Variants in MAN1A2 observed in about 807,000 individuals in gnomAD.
MAN1A2 encodes mannosidase alpha class 1A member 2, also known as mannosyl-oligosaccharide 1,2-alpha-mannosidase IB.
MAN1A2 carries 26 observed loss-of-function variants against 75.7 expected under a neutral mutation model. That is an observed-to-expected ratio of 0.34 (90% CI 0.25 to 0.48). MAN1A2 has a LOEUF of 0.48. Ranked by LOEUF, MAN1A2 falls within the 20% of genes least tolerant of loss-of-function variation. The probability of loss-of-function intolerance (pLI) is 0.99; values close to 1 mark genes in which losing one functional copy is unlikely to be tolerated. For synonymous variants in MAN1A2, 247 were observed against 264.6 expected (o/e 0.93, Z 0.65); for missense variants, 562 against 775.5 (o/e 0.72, Z 3.27).
chr1:117,519,723 G>A (rs1570809310), intron 12 of MAN1A2, among the ~76,000 whole-genome samples: 3 of 152,100 alleles, frequency 2.0e-5, no homozygotes, highest in Admixed American at 2.0e-4. Flanking sequence ...GGAACAGACG[G>A]ATTCACAGCA....
Position 117,499,389 on chromosome 1 carries a change from G to A in MAN1A2, c.1512G>A (p.Lys504=). ...TCTTTTGTCATGTTACAGCATTAAAGCTAGGTCCTGAATCATTCAAGTTTG... is the reference window on the plus strand; with the variant it reads ...TCTTTTGTCATGTTACAGCATTAAAACTAGGTCCTGAATCATTCAAGTTTG... The part of the protein sequence containing the change: ...CHESYDRTAL[K]LGPESFKFDG... Residue 504 remains lysine, a synonymous_variant, in exon 11 of 13, where the codon AAG becomes AAA. Coordinates refer to ENST00000356554, the MANE Select transcript of MAN1A2 (RefSeq NM_006699.5). 2 of 1,571,692 alleles carry A rather than the reference G, an allele frequency of 1.3e-6. No individual in the cohort carries two copies. Among genetic ancestry groups the A allele is most frequent in the South Asian group, 2.4e-5 (2 of 84,224 alleles).
At chr1:117,384,845 A>G (rs919212227) in intron 1 of MAN1A2, among the ~76,000 whole-genome samples, 2 of 152,182 alleles carry the variant, frequency 1.3e-5, no homozygotes, top group African/African-American at 4.8e-5. Context: ...TATGCTTTCA[A>G]GTTTTGCTTT....
intron 8 of MAN1A2, among the ~76,000 whole-genome samples, chr1:117,469,863 C>A (rs987942442): frequency 6.6e-6 from 1 of 152,098 alleles, no homozygotes; most frequent in African/African-American, 2.4e-5. Flanking sequence ...CCCTTGTACA[C>A]TGCTAGTAGG....
chr1:117,417,725 C>G (rs1186724158), intron 4 of MAN1A2, among the ~76,000 whole-genome samples: 2 of 151,030 alleles, frequency 1.3e-5, no homozygotes, highest in Non-Finnish European at 3.0e-5. Context: ...CTCTCTCTCT[C>G]TCTCTCTCAT....
intron 1 of MAN1A2, among the ~76,000 whole-genome samples, chr1:117,384,561 A>G (rs1653457328): frequency 6.6e-6 from 1 of 152,114 alleles, no homozygotes; most frequent in Non-Finnish European, 1.5e-5. Context: ...CTTGAGAAGA[A>G]TGTCTGTTCT....
intron 4 of MAN1A2, among the ~76,000 whole-genome samples, chr1:117,418,362 T>G (rs1648076526): frequency 6.6e-6 from 1 of 152,028 alleles, no homozygotes; most frequent in Non-Finnish European, 1.5e-5. Flanking sequence ...CTGCTATTAG[T>G]ATTTTACATG....
At chr1:117,451,919 C>T (rs1014908869) in intron 6 of MAN1A2, among the ~76,000 whole-genome samples, 11 of 152,008 alleles carry the variant, frequency 7.2e-5, no homozygotes, top group African/African-American at 2.4e-4. Context: ...GTCCAGGAGG[C>T]GGAGCTTGCA....
At chr1:117,408,769 T>TG (rs1351980701) in intron 3 of MAN1A2, among the ~76,000 whole-genome samples, 2 of 60,062 alleles carry the variant, frequency 3.3e-5, no homozygotes, top group Non-Finnish European at 6.9e-5. Context: ...CACTTGCATC[T>TG]GGAATTTTTT....
rs1648726981 is a variant in MAN1A2, at chr1:117,433,074, A to G, written c.856-9157A>G. On this transcript the variant is annotated intron_variant, in intron 5 of 12. Coordinates refer to ENST00000356554, the MANE Select transcript of MAN1A2 (RefSeq NM_006699.5). ...TAACAATAAAGGAGAAAAATCATAT[A>G]ATTATTGCAATAAATTTAGTAAAAG... 4.6e-5 allele frequency among the ~76,000 whole-genome samples: 7 copies of G among 151,746 alleles called. No homozygotes were observed. In the South Asian group the frequency reaches 1.4e-3, roughly 31 times the overall value.
At chr1:117,439,992 T>C (rs1340397837) in intron 5 of MAN1A2, among the ~76,000 whole-genome samples, 2 of 152,218 alleles carry the variant, frequency 1.3e-5, no homozygotes, top group East Asian at 3.9e-4. Context: ...GATAGCCATA[T>C]ACTGTAGAAA....
chr1:117,395,439 A>C (rs1277602961), intron 1 of MAN1A2, among the ~76,000 whole-genome samples: 1 of 152,202 alleles, frequency 6.6e-6, no homozygotes, highest in Non-Finnish European at 1.5e-5. Context: ...AGTACCTCAT[A>C]AGTTGGTATG....
chr1:117,409,210 A>T (rs1416676459), intron 3 of MAN1A2, among the ~76,000 whole-genome samples: 2 of 152,030 alleles, frequency 1.3e-5, no homozygotes, highest in African/African-American at 4.8e-5. Flanking sequence ...CTTGAAGTAG[A>T]AGCCTAGATT....
intron 12 of MAN1A2, among the ~76,000 whole-genome samples, chr1:117,509,153 A>C (rs1651458440): frequency 6.6e-6 from 1 of 151,840 alleles, no homozygotes; most frequent in South Asian, 2.1e-4. Flanking sequence ...CACTAAGTAA[A>C]GTAAAAGACA....
At chr1:117,492,881 G>A (rs1650925544) in intron 8 of MAN1A2, among the ~76,000 whole-genome samples, 1 of 151,928 alleles carries the variant, frequency 6.6e-6, no homozygotes, top group African/African-American at 2.4e-5. Context: ...TGAACAAACT[G>A]TAATTCAAGA....
intron 6 of MAN1A2, among the ~76,000 whole-genome samples, chr1:117,455,159 A>G (rs1052970286): frequency 1.3e-5 from 2 of 152,168 alleles, no homozygotes; most frequent in Admixed American, 6.5e-5. Context: ...ATCCAATGGA[A>G]TACCATTTAG....
intron 5 of MAN1A2, among the ~76,000 whole-genome samples, chr1:117,430,327 C>T (rs1330767029): frequency 9.9e-3 from 1,254 of 127,122 alleles, no homozygotes; most frequent in Non-Finnish European, 0.015. Context: ...CCACCTCCCT[C>T]CCGGACGGGG....
intron 5 of MAN1A2, among the ~76,000 whole-genome samples, chr1:117,434,371 A>G (rs1028332249): frequency 6.6e-6 from 1 of 152,220 alleles, no homozygotes; most frequent in African/African-American, 2.4e-5. Flanking sequence ...GCATTTTAAC[A>G]AATGTGTGAT....
At chr1:117,503,423 A>G (rs1409467369) in intron 12 of MAN1A2, among the ~76,000 whole-genome samples, 1 of 151,494 alleles carries the variant, frequency 6.6e-6, no homozygotes, top group Non-Finnish European at 1.5e-5. Context: ...GATAGTACTA[A>G]ATGACCATAG....
At chr1:117,484,168 A>C (rs780947750) in intron 8 of MAN1A2, among the ~76,000 whole-genome samples, 4 of 151,932 alleles carry the variant, frequency 2.6e-5, no homozygotes, top group Non-Finnish European at 5.9e-5. Flanking sequence ...TATGTTATAT[A>C]TATTATATAC....
Sources: gnomAD v4.1 joint callset for allele counts (sites outside exome capture counted in the v4.1 genomes callset) on GRCh38, gnomAD v4.1.1 for gene constraint, MANE v1.5 for transcripts, NCBI Gene and HGNC (gene_info 2026-07-23, HGNC 2026-07-21) for gene names.